Variants in PSMD8 observed in about 807,000 individuals in gnomAD.
PSMD8 encodes the protein proteasome 26S subunit, non-ATPase 8, also known as 26S proteasome non-ATPase regulatory subunit 8.
In PSMD8, 30 loss-of-function variants were observed where a neutral mutation model predicts 40.0. The ratio of observed to expected loss-of-function variants is 0.75; its 90% CI spans 0.56 to 1.02. The LOEUF is 1.02. Among genes scored for constraint, PSMD8 ranks in the 50% least tolerant of loss-of-function variants. The probability of loss-of-function intolerance (pLI) is 0.00; values close to 1 mark genes in which losing one functional copy is unlikely to be tolerated. For synonymous variants in PSMD8, 208 were observed against 192.5 expected (o/e 1.08, Z -0.67); for missense variants, 461 against 463.9 (o/e 0.99, Z 0.06).
chr19:38,380,472 CATCTT>C (rs1970630122), intron 4 of PSMD8, among the ~76,000 whole-genome samples: 3 of 152,160 alleles, frequency 2.0e-5, no homozygotes, highest in Admixed American at 2.0e-4. Flanking sequence ...CTGGAGCTGA[CATCTT>C]ATGGGAGGAT....
chr19:38,380,204 T>G (rs903133613), intron 4 of PSMD8, among the ~76,000 whole-genome samples: 13 of 152,148 alleles, frequency 8.5e-5, no homozygotes, highest in Non-Finnish European at 1.8e-4. Flanking sequence ...GAGAATCACT[T>G]GAACCCAGGA....
chr19:38,379,924 G>A (rs1437485089), intron 4 of PSMD8, among the ~76,000 whole-genome samples: 4 of 152,210 alleles, frequency 2.6e-5, no homozygotes. Context: ...TCACACCACT[G>A]TATTCTAGCC....
intron 4 of PSMD8, 120 bp downstream of exon 4, chr19:38,379,525 C>G: frequency 8.9e-7 from 1 of 1,123,492 alleles, no homozygotes; most frequent in Non-Finnish European, 1.3e-6. Context: ...CGGACCCATC[C>G]TCTTGTTTGT....
Position 38,374,859 on chromosome 19 carries a change from T to G in PSMD8, c.258T>G (p.Ala86=). 1 of 1,583,982 alleles carries G rather than the reference T, an allele frequency of 6.3e-7. No homozygotes were observed. The highest frequency in any genetic ancestry group is 8.5e-7 in the Non-Finnish European group (1 of 1,173,106). The change falls in exon 1 of 7, where the codon GCT becomes GCG. Residue 86 remains alanine, a synonymous_variant. Transcript: ENST00000215071. ...SSSGPAATSG[A]VLQAATGMYE... is the part of the protein sequence containing the mutation. The stretch of plus-strand genomic sequence containing the variant: ...CCGGGCCCGCGGCAACCTCGGGCGC[T>G]GTTCTGCAGGCCGCGACCGGCATGT...
intron 6 of PSMD8, among the ~76,000 whole-genome samples, 155 bp from the exon 7 acceptor site, chr19:38,383,098 C>T (rs1480942716): frequency 6.6e-6 from 1 of 152,040 alleles, no homozygotes; most frequent in African/African-American, 2.4e-5. Context: ...GAAACTGAGG[C>T]ACAGAGAGGT....
At chr19:38,379,145 G>C (rs1474723697) in intron 3 of PSMD8, 95 bp from the exon 4 acceptor site, 37 of 1,279,332 alleles carry the variant, frequency 2.9e-5, no homozygotes, top group Admixed American at 4.6e-5. Flanking sequence ...TCAGGAAGAT[G>C]CATGGGGCGT....
At position 38,374,971 on chromosome 19, in the gene PSMD8, G is replaced by T. The variant is rs749755880; in HGVS notation, c.360+10G>T. 13 of 1,548,558 alleles carry T rather than the reference G, an allele frequency of 8.4e-6. No individual in the cohort carries two copies. In the South Asian group the frequency reaches 1.3e-4, roughly 15 times the overall value. ...GCTGGGTCGACTCAAGGTAAAGTCGGCAGGCCCAGGAAACCGAGTGTTGCG... is the reference window on the plus strand; with the variant it reads ...GCTGGGTCGACTCAAGGTAAAGTCGTCAGGCCCAGGAAACCGAGTGTTGCG... On this transcript the variant is annotated intron_variant, in intron 1 of 6. Transcript: ENST00000215071.
In PSMD8 at chr19:38,374,816, C is replaced by T. The variant is rs1434229633; in HGVS notation, c.215C>T (p.Ala72Val). Reference protein sequence around the residue: ...RKMAAAAVNGAAGFSSSGPAA... With the variant: ...RKMAAAAVNGVAGFSSSGPAA... ...ATGGCGGCCGCGGCGGTGAACGGGGCGGCAGGCTTCTCGAGCTCCGGGCCC... is the reference window on the plus strand; with the variant it reads ...ATGGCGGCCGCGGCGGTGAACGGGGTGGCAGGCTTCTCGAGCTCCGGGCCC... Residue 72 changes from alanine to valine, a missense_variant, in exon 1 of 7, where the codon GCG (alanine) becomes GTG (valine). This residue lies in a region of PSMD8 where 225 missense variants were observed against 142.7 expected (regional missense o/e 1.58). Transcript: ENST00000215071. The T allele has an allele frequency of 2.1e-5, 33 of 1,573,782 alleles. No individual in the cohort carries two copies. The highest frequency in any genetic ancestry group is 2.7e-5 in the Non-Finnish European group (31 of 1,166,796).
rs1350667355 is a variant in PSMD8 at position 38,378,958 on chromosome 19, AT to A, written c.537-281del. ...ACAGAGAGAGACTCCTTCTCAAAAAATAAATAAAAGGATACTATGGTGATAC... is the reference window on the plus strand; with the variant it reads ...ACAGAGAGAGACTCCTTCTCAAAAAAAAATAAAAGGATACTATGGTGATAC... On this transcript the variant is annotated intron_variant, in intron 3 of 6. Transcript: ENST00000215071. Among the ~76,000 whole-genome samples the A allele has an allele frequency of 3.3e-5, 5 of 152,316 alleles. No individual in the cohort carries two copies. The East Asian group carries it at 9.6e-4, about 29-fold the overall frequency.
chr19:38,383,192 T>C, intron 6 of PSMD8, 61 bp from the exon 7 acceptor site: 1 of 1,602,118 alleles, frequency 6.2e-7, no homozygotes, highest in Non-Finnish European at 8.5e-7. Flanking sequence ...GCTGGCCCCA[T>C]AGGGTGGGGA....
At chr19:38,381,720 GTGT>G (rs1406614585) in intron 5 of PSMD8, among the ~76,000 whole-genome samples, 2 of 152,120 alleles carry the variant, frequency 1.3e-5, no homozygotes, top group East Asian at 3.8e-4. Flanking sequence ...TTCTACTTCG[GTGT>G]TGTTCGTGGT....
chr19:38,375,463 T>C (rs1970590571), intron 1 of PSMD8: 2 of 187,010 alleles, frequency 1.1e-5, no homozygotes, highest in African/African-American at 4.8e-5. Context: ...CAAGACCAAG[T>C]GGGAAGTGAG....
Position 38,374,853 on chromosome 19 carries a change from G to T in PSMD8, c.252G>T (p.Ser84=). Residue 84 remains serine (S), a synonymous_variant, in exon 1 of 7, where the codon TCG becomes TCT. Transcript: ENST00000215071. The part of the protein sequence containing the change: ...GFSSSGPAAT[S]GAVLQAATGM... ...CGAGCTCCGGGCCCGCGGCAACCTC[G>T]GGCGCTGTTCTGCAGGCCGCGACCG... The T allele has an allele frequency of 6.3e-7, 1 of 1,581,974 alleles. No homozygotes were observed. The highest frequency in any genetic ancestry group is 2.3e-5 in the East Asian group (1 of 43,750).
intron 3 of PSMD8, among the ~76,000 whole-genome samples, chr19:38,378,198 C>CA (rs1184355980): frequency 6.6e-6 from 1 of 151,978 alleles, no homozygotes; most frequent in Admixed American, 6.6e-5. Flanking sequence ...CCTGTCTCTA[C>CA]AAAAAATATT....
chr19:38,376,449 T>C lies in PSMD8; in HGVS notation c.531T>C (p.Asp177=), dbSNP rs780348699. The change falls in exon 3 of 7, where the codon GAT becomes GAC. Residue 177 remains aspartate (D), a synonymous_variant. Transcript: ENST00000215071. The part of the protein sequence containing the change: ...YMAQLKCYYF[D]YKEQLPESAY... ...CCCAGCTCAAATGCTACTACTTTGA[T>C]TACAAGTGAGAATGGGCCCTGCCCC... is the stretch of plus-strand genomic sequence containing the variant. The C allele has an allele frequency of 3.2e-6, 5 of 1,549,836 alleles. No homozygotes were observed. The Admixed American group carries it at 7.8e-5, about 24-fold the overall frequency.
At position 38,382,203 on chromosome 19, in the gene PSMD8, A is replaced by G. The variant is rs764147231; in HGVS notation, c.890A>G (p.Lys297Arg). The G allele has an allele frequency of 1.3e-6, 2 of 1,595,814 alleles. No homozygotes were observed. Among genetic ancestry groups the G allele is most frequent in the Non-Finnish European group, 1.7e-6 (2 of 1,171,690 alleles). ...CGGATCCTCTTCTTCAACACACCCA[A>G]AAAGATGACAGACTACGCCAAGAAG... Reference protein sequence around the residue: ...ATRILFFNTPKKMTDYAKKRG... With the variant: ...ATRILFFNTPRKMTDYAKKRG... Residue 297 changes from lysine (K) to arginine (R), a missense_variant, in exon 6 of 7, where the codon AAA (lysine) becomes AGA (arginine). Coordinates refer to ENST00000215071, the MANE Select transcript of PSMD8 (RefSeq NM_002812.5).
Position 38,374,837 on chromosome 19 carries a change from G to C in PSMD8, c.236G>C (p.Gly79Ala). ...GGGGCGGCAGGCTTCTCGAGCTCCG[G>C]GCCCGCGGCAACCTCGGGCGCTGTT... ...VNGAAGFSSS[G>A]PAATSGAVLQ... is the part of the protein sequence containing the mutation. The change falls in exon 1 of 7, where the codon GGG becomes GCG. Residue 79 changes from glycine (G) to alanine (A), a missense_variant. Physicochemically the swap from Gly to Ala is moderately conservative, Grantham distance 60. Coordinates refer to ENST00000215071, the MANE Select transcript of PSMD8 (RefSeq NM_002812.5). 1 of 1,577,418 alleles carries C rather than the reference G, an allele frequency of 6.3e-7. No homozygotes were observed. The highest frequency in any genetic ancestry group is 8.6e-7 in the Non-Finnish European group (1 of 1,169,528).
chr19:38,378,400 C>T (rs1253410729), intron 3 of PSMD8, among the ~76,000 whole-genome samples: 1 of 149,694 alleles, frequency 6.7e-6, no homozygotes, highest in Non-Finnish European at 1.5e-5. Context: ...CCCAGCTACT[C>T]GGGAGGCTGA....
intron 5 of PSMD8, chr19:38,381,208 T>C: frequency 2.0e-6 from 1 of 508,954 alleles, no homozygotes; most frequent in South Asian, 2.7e-5. Context: ...CCCTTGGCTG[T>C]TGACATGTGT....
Sources: gnomAD v4.1 joint callset for allele counts (sites outside exome capture counted in the v4.1 genomes callset) on GRCh38, gnomAD v4.1.1 for gene constraint, gnomAD v4.1.1 regional missense constraint, MANE v1.5 for transcripts, NCBI Gene and HGNC (gene_info 2026-07-23, HGNC 2026-07-21) for gene names.